Variants in DOCK8 observed in about 807,000 individuals in gnomAD.
The protein encoded by DOCK8 is dedicator of cytokinesis 8.
A neutral mutation model predicts 245.6 loss-of-function variants in DOCK8; 141 were observed. The observed-to-expected ratio is 0.57, with a 90% CI of 0.50 to 0.66. The LOEUF (loss-of-function observed/expected upper bound fraction) is 0.66, where lower values mean the gene tolerates loss of function less well. Ranked by LOEUF, DOCK8 falls within the 30% of genes least tolerant of loss-of-function variation. DOCK8 has a pLI of 0.00. For synonymous variants in DOCK8, 1,168 were observed against 970.2 expected (o/e 1.20, Z -3.79); for missense variants, 2,965 against 2,603.4 (o/e 1.14, Z -3.02).
At chr9:432,695 A>G (rs2056761227) in intron 37 of DOCK8, among the ~76,000 whole-genome samples, 1 of 152,136 alleles carries the variant, frequency 6.6e-6, no homozygotes, top group Admixed American at 6.5e-5. Flanking sequence ...GCAGGGAGGG[A>G]TGACACTAAA....
intron 23 of DOCK8, among the ~76,000 whole-genome samples, chr9:388,506 G>A (rs918765658): frequency 1.3e-5 from 2 of 151,696 alleles, no homozygotes; most frequent in Admixed American, 6.6e-5. Flanking sequence ...TTTAATGTAC[G>A]CAAGAATTAG....
chr9:381,804 AC>A (rs1367594228), intron 21 of DOCK8, among the ~76,000 whole-genome samples: 2 of 152,086 alleles, frequency 1.3e-5, no homozygotes, highest in African/African-American at 4.8e-5. Flanking sequence ...TATAAAAATT[AC>A]AAAAATTAGC....
intron 4 of DOCK8, among the ~76,000 whole-genome samples, chr9:298,930 A>C (rs2130506254): frequency 6.6e-6 from 1 of 151,742 alleles, no homozygotes; most frequent in East Asian, 1.9e-4. Context: ...GGCAAATACT[A>C]ATGTGGGAAA....
At chr9:371,064 T>C (rs1189540631) in intron 16 of DOCK8, among the ~76,000 whole-genome samples, 3 of 152,234 alleles carry the variant, frequency 2.0e-5, no homozygotes, top group Non-Finnish European at 1.5e-5. Context: ...AGCTAGGTGC[T>C]AGGCTTGGTT....
At chr9:265,490 C>T (rs1398211510) in intron 1 of DOCK8, among the ~76,000 whole-genome samples, 1 of 152,120 alleles carries the variant, frequency 6.6e-6, no homozygotes, top group Non-Finnish European at 1.5e-5. Context: ...TACAGTCGTT[C>T]GTTACCAAGA....
chr9:286,715 A>C, intron 3 of DOCK8, 79 bp downstream of exon 3: 1 of 1,325,726 alleles, frequency 7.5e-7, no homozygotes, highest in South Asian at 1.2e-5. Flanking sequence ...AGATGCCTTC[A>C]ATCTGAACTT....
chr9:319,618 T>G (rs891963187), intron 7 of DOCK8, among the ~76,000 whole-genome samples: 3 of 152,198 alleles, frequency 2.0e-5, no homozygotes, highest in Non-Finnish European at 4.4e-5. Context: ...CCATTTACAT[T>G]GATATGTAGG....
chr9:284,223 A>C (rs1346695974), intron 2 of DOCK8, among the ~76,000 whole-genome samples: 1 of 152,136 alleles, frequency 6.6e-6, no homozygotes, highest in Non-Finnish European at 1.5e-5. Flanking sequence ...GCAGATTGGC[A>C]GATGCATTTG....
intron 1 of DOCK8, among the ~76,000 whole-genome samples, chr9:240,864 A>C (rs565781208): frequency 6.6e-6 from 1 of 152,292 alleles, no homozygotes; most frequent in Middle Eastern, 3.4e-3. Context: ...TCTCTTAAAT[A>C]AAAAAATATT....
chr9:396,897 C>T lies in DOCK8; in HGVS notation c.3083C>T (p.Thr1028Ile). Reference sequence around the variant, plus strand: ...ATAACTACTATTGTTAATGTGGTCACCTCGGAAATTGCAGCCCTTTTAGTA... The same window carrying T: ...ATAACTACTATTGTTAATGTGGTCATCTCGGAAATTGCAGCCCTTTTAGTA... The part of the protein sequence containing the change: ...DDITTIVNVV[T>I]SEIAALLVKP... The change falls in exon 25 of 48, where the codon ACC (threonine) becomes ATC (isoleucine). Residue 1028 changes from threonine (T) to isoleucine (I), a missense_variant. Thr to Ile is a moderately conservative substitution (Grantham distance 89). Transcript: ENST00000432829. The T allele has an allele frequency of 6.2e-7, 1 of 1,614,020 alleles. No homozygotes were observed. The highest frequency in any genetic ancestry group is 8.5e-7 in the Non-Finnish European group (1 of 1,180,010).
chr9:325,268 C>T (rs1251468443), intron 7 of DOCK8, among the ~76,000 whole-genome samples: 1 of 152,146 alleles, frequency 6.6e-6, no homozygotes, highest in African/African-American at 2.4e-5. Flanking sequence ...AGTTGTGAAA[C>T]AGATACTATC....
intron 34 of DOCK8, 57 bp from the exon 35 acceptor site, chr9:428,305 A>T: frequency 6.2e-7 from 1 of 1,612,882 alleles, no homozygotes; most frequent in Non-Finnish European, 8.5e-7. Context: ...TGTCAGGAAC[A>T]TCCAGTTCAT....
chr9:336,232 A>G (rs2051302972), intron 11 of DOCK8, among the ~76,000 whole-genome samples: 1 of 152,196 alleles, frequency 6.6e-6, no homozygotes, highest in African/African-American at 2.4e-5. Flanking sequence ...CAAATATAGA[A>G]ATAAAAGAAA....
intron 3 of DOCK8, among the ~76,000 whole-genome samples, chr9:288,768 G>C (rs1029681453): frequency 6.6e-6 from 1 of 152,176 alleles, no homozygotes; most frequent in African/African-American, 2.4e-5. Context: ...GGCAATTAGG[G>C]CCCAGAGACT....
chr9:428,580 A>G, intron 35 of DOCK8, 84 bp downstream of exon 35: 9 of 1,536,306 alleles, frequency 5.9e-6, no homozygotes, highest in Non-Finnish European at 8.1e-6. Context: ...CAGGTGGACC[A>G]AAAGTCACAG....
intron 7 of DOCK8, among the ~76,000 whole-genome samples, chr9:319,072 G>T (rs568711804): frequency 3.3e-5 from 5 of 152,228 alleles, no homozygotes; most frequent in Non-Finnish European, 5.9e-5. Flanking sequence ...CAAAGTGGGA[G>T]GATCGCTTGA....
chr9:291,579 T>A (rs2049041141), intron 4 of DOCK8, among the ~76,000 whole-genome samples: 1 of 152,182 alleles, frequency 6.6e-6, no homozygotes. Flanking sequence ...AATATATTTA[T>A]ACCAAAATTT....
At chr9:226,973 T>A (rs1424925616) in intron 1 of DOCK8, among the ~76,000 whole-genome samples, 1 of 152,134 alleles carries the variant, frequency 6.6e-6, no homozygotes, top group African/African-American at 2.4e-5. Context: ...AAAATAAATA[T>A]ATGCATAACT....
At chr9:449,550 G>A (rs1564082170) in intron 44 of DOCK8, among the ~76,000 whole-genome samples, 1 of 152,148 alleles carries the variant, frequency 6.6e-6, no homozygotes, top group African/African-American at 2.4e-5. Flanking sequence ...AGAGTATAAA[G>A]AGGTTGTTGA....
Sources: gnomAD v4.1 joint callset for allele counts (sites outside exome capture counted in the v4.1 genomes callset) on GRCh38, gnomAD v4.1.1 for gene constraint, MANE v1.5 for transcripts, NCBI Gene and HGNC (gene_info 2026-07-23, HGNC 2026-07-21) for gene names.